The following LRRTM4 variants were observed in gnomAD, a reference collection of about 807,000 sequenced individuals.
LRRTM4 encodes the protein leucine-rich repeat transmembrane neuronal protein 4.
A neutral mutation model predicts 47.6 loss-of-function variants in LRRTM4; 25 were observed. That is an observed-to-expected ratio of 0.53 (90% confidence interval 0.38 to 0.73). The LOEUF (loss-of-function observed/expected upper bound fraction) is 0.73. Among genes scored for constraint, LRRTM4 ranks in the 30% least tolerant of loss-of-function variants. The pLI is 0.00. For synonymous variants in LRRTM4, 311 were observed against 269.5 expected (o/e 1.15, Z -1.51); for missense variants, 638 against 713.4 (o/e 0.89, Z 1.20).
intron 3 of LRRTM4, among the ~76,000 whole-genome samples, chr2:77,435,140 T>C (rs545388758): frequency 6.6e-6 from 1 of 152,084 alleles, no homozygotes; most frequent in Non-Finnish European, 1.5e-5. Context: ...TCTCTATTCA[T>C]TGCAAAATTT....
chr2:77,425,510 G>A (rs1675069761), intron 3 of LRRTM4, among the ~76,000 whole-genome samples: 1 of 152,162 alleles, frequency 6.6e-6, no homozygotes, highest in South Asian at 2.1e-4. Flanking sequence ...TTTCTGCCTT[G>A]TTTGGAATCT....
intron 3 of LRRTM4, among the ~76,000 whole-genome samples, chr2:76,845,103 A>G (rs1213484632): frequency 6.6e-6 from 1 of 152,206 alleles, no homozygotes; most frequent in East Asian, 1.9e-4. Flanking sequence ...AAAAAAGTTT[A>G]AAGGTAGAAC....
intron 3 of LRRTM4, among the ~76,000 whole-genome samples, chr2:77,025,154 T>G (rs934016618): frequency 3.9e-5 from 6 of 152,184 alleles, no homozygotes; most frequent in African/African-American, 1.2e-4. Context: ...TACTTTAGTT[T>G]CCAGGTAAAA....
intron 3 of LRRTM4, among the ~76,000 whole-genome samples, chr2:76,976,702 C>CT (rs1264703100): frequency 3.3e-5 from 5 of 151,700 alleles, no homozygotes; most frequent in African/African-American, 1.2e-4. Context: ...CTGGGATATC[C>CT]GTGGAAAAAG....
chr2:77,085,439 CTCTT>C (rs1178484377), intron 3 of LRRTM4, among the ~76,000 whole-genome samples: 1 of 148,298 alleles, frequency 6.7e-6, no homozygotes, highest in Non-Finnish European at 1.5e-5. Context: ...CTGATGCTAT[CTCTT>C]TCTAAATAAA....
intron 3 of LRRTM4, among the ~76,000 whole-genome samples, chr2:76,939,060 C>T (rs966618356): frequency 6.6e-6 from 1 of 151,858 alleles, no homozygotes; most frequent in African/African-American, 2.4e-5. Context: ...ATTCTACTTT[C>T]TAGATAAATA....
intron 3 of LRRTM4, among the ~76,000 whole-genome samples, chr2:77,225,369 T>C (rs1314701933): frequency 7.6e-6 from 1 of 131,710 alleles, no homozygotes; most frequent in African/African-American, 2.8e-5. Context: ...ATAATAATAA[T>C]AAAATAAAAA....
chr2:77,235,228 A>T (rs1328106659), intron 3 of LRRTM4, among the ~76,000 whole-genome samples: 2 of 152,132 alleles, frequency 1.3e-5, no homozygotes, highest in East Asian at 1.9e-4. Flanking sequence ...TACTATAATA[A>T]TACCCATTCT....
chr2:77,119,135 C>G (rs528914183), intron 3 of LRRTM4, among the ~76,000 whole-genome samples: 1 of 151,848 alleles, frequency 6.6e-6, no homozygotes, highest in Non-Finnish European at 1.5e-5. Flanking sequence ...ATGAATCCAA[C>G]TCATCCAGTT....
chr2:76,898,053 GT>G (rs1673482477), intron 3 of LRRTM4, among the ~76,000 whole-genome samples: 1 of 152,114 alleles, frequency 6.6e-6, no homozygotes, highest in Non-Finnish European at 1.5e-5. Context: ...TCCTATTAGA[GT>G]TTCTCTTTAG....
intron 3 of LRRTM4, among the ~76,000 whole-genome samples, chr2:77,403,459 T>C (rs1297122272): frequency 6.6e-6 from 1 of 151,780 alleles, no homozygotes; most frequent in African/African-American, 2.4e-5. Flanking sequence ...AAAGAGGGAA[T>C]GAATGAAAGA....
chr2:77,406,617 A>ACG (rs1674198740), intron 3 of LRRTM4, among the ~76,000 whole-genome samples: 1 of 151,516 alleles, frequency 6.6e-6, no homozygotes, highest in Non-Finnish European at 1.5e-5. Flanking sequence ...GCTCTCTTTT[A>ACG]GTAATATTAA....
At chr2:76,981,422 G>T (rs970871400) in intron 3 of LRRTM4, among the ~76,000 whole-genome samples, 2 of 152,000 alleles carry the variant, frequency 1.3e-5, no homozygotes, top group African/African-American at 4.8e-5. Context: ...GAGACAGCTG[G>T]GCTTTGCAAA....
At chr2:76,797,527 A>G in intron 3 of LRRTM4, among the ~76,000 whole-genome samples, 1 of 152,118 alleles carries the variant, frequency 6.6e-6, no homozygotes, top group Non-Finnish European at 1.5e-5. Context: ...AAATGTAAAG[A>G]CCATCGAGAC....
At chr2:76,953,339 C>G (rs1381750451) in intron 3 of LRRTM4, among the ~76,000 whole-genome samples, 1 of 151,720 alleles carries the variant, frequency 6.6e-6, no homozygotes, top group Non-Finnish European at 1.5e-5. Context: ...AGAAATCAGT[C>G]AGGAAGTGGC....
At chr2:77,061,614 G>C (rs1224593551) in intron 3 of LRRTM4, among the ~76,000 whole-genome samples, 1 of 152,052 alleles carries the variant, frequency 6.6e-6, no homozygotes, top group East Asian at 1.9e-4. Flanking sequence ...TTTGGTTGCA[G>C]CATTGCTAAT....
intron 3 of LRRTM4, among the ~76,000 whole-genome samples, chr2:77,129,814 A>T (rs1671747493): frequency 1.3e-5 from 2 of 152,244 alleles, no homozygotes; most frequent in South Asian, 4.1e-4. Context: ...CCTCATTATT[A>T]CTTAATCTGA....
At chr2:76,762,250 T>G (rs1470023287) in intron 3 of LRRTM4, among the ~76,000 whole-genome samples, 1 of 152,188 alleles carries the variant, frequency 6.6e-6, no homozygotes, top group Non-Finnish European at 1.5e-5. Flanking sequence ...ATATCCAGAT[T>G]GTTTGACATA....
chr2:76,914,353 T>C (rs6751017), intron 3 of LRRTM4, among the ~76,000 whole-genome samples: 13,716 of 152,086 alleles, frequency 0.09, 1,486 homozygotes, highest in African/African-American at 0.25. Context: ...ATTCTACTTT[T>C]TTTCTGATTT....
Sources: allele counts gnomAD v4.1 joint callset (sites outside exome capture counted in the v4.1 genomes callset), GRCh38; gene constraint gnomAD v4.1.1; transcripts MANE v1.5; gene names NCBI Gene and HGNC (gene_info 2026-07-23, HGNC 2026-07-21).